Variants in RDH11 observed in about 807,000 individuals in gnomAD.
RDH11 encodes retinol dehydrogenase 11.
Under a neutral mutation model 33.4 loss-of-function variants are expected in RDH11, and 19 were observed. The ratio of observed to expected loss-of-function variants is 0.57; its 90% CI spans 0.40 to 0.83. The LOEUF (loss-of-function observed/expected upper bound fraction) is 0.83, where lower values mean the gene tolerates loss of function less well. RDH11 is among the 40% of genes least tolerant of loss of function. RDH11 has a pLI of 0.00. For synonymous variants in RDH11, 154 were observed against 155.3 expected (o/e 0.99, Z 0.06); for missense variants, 353 against 389.0 (o/e 0.91, Z 0.78).
intron 2 of RDH11, 141 bp from the exon 3 acceptor site, chr14:67,692,734 G>A (rs1339046960): frequency 2.0e-6 from 2 of 1,018,382 alleles, no homozygotes; most frequent in Non-Finnish European, 2.9e-6. Flanking sequence ...TTAGCAAATA[G>A]GTAAAGAAAA....
intron 6 of RDH11, among the ~76,000 whole-genome samples, chr14:67,683,866 TC>T (rs1209935093): frequency 2.6e-5 from 4 of 152,240 alleles, no homozygotes; most frequent in Non-Finnish European, 5.9e-5. Context: ...AAAGTCCCTT[TC>T]AACTGCTTTG....
intron 6 of RDH11, among the ~76,000 whole-genome samples, chr14:67,679,674 G>A (rs1197678934): frequency 1.3e-5 from 2 of 152,122 alleles, no homozygotes; most frequent in Admixed American, 6.5e-5. Flanking sequence ...AAAGTGCTGG[G>A]ATTACAGGCA....
At chr14:67,684,961 A>G in intron 6 of RDH11, 54 bp downstream of exon 6, 1 of 1,487,978 alleles carries the variant, frequency 6.7e-7, no homozygotes, top group Middle Eastern at 1.8e-4. Flanking sequence ...GACAAACCCA[A>G]ATTATCTCCT....
chr14:67,692,365 C>T, intron 3 of RDH11, 73 bp downstream of exon 3: 4 of 1,522,348 alleles, frequency 2.6e-6, no homozygotes, highest in Non-Finnish European at 3.6e-6. Context: ...GGAAGAGGGA[C>T]CTTTTCCTTT....
rs778405892 is a variant in RDH11 at position 67,676,807 on chromosome 14, T to C, written c.*1514A>G. The C allele has an allele frequency of 1.3e-5, 2 of 152,242 alleles. No individual in the cohort carries two copies. The highest frequency in any genetic ancestry group is 2.9e-5 in the Non-Finnish European group (2 of 68,050). The allele number at this position is 152,242 out of a possible 1,614,324, so 9.4% of individuals were successfully genotyped here. On this transcript the variant is annotated 3_prime_UTR_variant, in exon 7 of 7. Coordinates refer to ENST00000381346, the MANE Select transcript of RDH11 (RefSeq NM_016026.4). ...ATGAACAGTGTTTTCTTCTTTTGAC[T>C]GTAATCAAACTTTTAATTCTTAGTT...
chr14:67,693,197 A>G, intron 1 of RDH11, 145 bp from the exon 2 acceptor site: 1 of 536,694 alleles, frequency 1.9e-6, no homozygotes, highest in South Asian at 3.1e-5. Context: ...CCATTTAAGG[A>G]AAGTTGGAGG....
At chr14:67,690,665 T>C in intron 4 of RDH11, 1 of 489,860 alleles carries the variant, frequency 2.0e-6, no homozygotes, top group African/African-American at 1.9e-5. Flanking sequence ...TCCCAGCTCA[T>C]TCCTACTTTG....
intron 5 of RDH11, among the ~76,000 whole-genome samples, chr14:67,687,467 C>CCTTTTTTTTTTTT (rs2037693364): frequency 1.3e-5 from 1 of 79,696 alleles, no homozygotes. Flanking sequence ...CTCCATATTC[C>CCTTTTTTTTTTTT]TTTTTTTTTT....
chr14:67,695,533 C>A (rs556981333), intron 1 of RDH11, 97 bp downstream of exon 1: 2 of 1,255,578 alleles, frequency 1.6e-6, no homozygotes, highest in African/African-American at 1.5e-5. Context: ...GGAGCCCCCC[C>A]AGGGGAGTTT....
At chr14:67,682,342 A>G (rs2037625694) in intron 6 of RDH11, among the ~76,000 whole-genome samples, 1 of 152,228 alleles carries the variant, frequency 6.6e-6, no homozygotes, top group Admixed American at 6.5e-5. Flanking sequence ...GAATGAGAGA[A>G]TATTTGCAAA....
chr14:67,685,623 C>A (rs1452513550), intron 5 of RDH11, among the ~76,000 whole-genome samples: 1 of 151,962 alleles, frequency 6.6e-6, no homozygotes, highest in African/African-American at 2.4e-5. Flanking sequence ...ACACCCACCC[C>A]ATCCCCTTCA....
chr14:67,692,815 G>C, intron 2 of RDH11, 119 bp downstream of exon 2: 1 of 896,102 alleles, frequency 1.1e-6, no homozygotes, highest in Non-Finnish European at 1.8e-6. Flanking sequence ...CAGCAAATCA[G>C]TGGAATCCTT....
At position 67,678,339 on chromosome 14, in the gene RDH11, C is replaced by T. The variant is rs180944341; in HGVS notation, c.939G>A (p.Leu313=). The part of the protein sequence containing the change: ...RRLWDVSCDL[L]GLPID ...CTGCCTGTTAGTCTATTGGGAGGCC[C>T]AGCAGGTCACAACTGACGTCCCACA... Residue 313 remains leucine, a synonymous_variant, in exon 7 of 7, where the codon CTG becomes CTA. Transcript: ENST00000381346. 1.0e-4 allele frequency: 168 copies of T among 1,613,190 alleles called. 1 individual carries two copies. Among genetic ancestry groups the T allele is most frequent in the Non-Finnish European group, 1.7e-6 (2 of 1,179,152 alleles).
chr14:67,692,713 G>C (rs941400581), intron 2 of RDH11, 120 bp from the exon 3 acceptor site: 9 of 1,210,962 alleles, frequency 7.4e-6, no homozygotes, highest in East Asian at 2.4e-5. Flanking sequence ...CTTCACAACA[G>C]AGGTATCTGA....
At chr14:67,690,655 T>C in intron 4 of RDH11, 1 of 506,536 alleles carries the variant, frequency 2.0e-6, no homozygotes, top group Non-Finnish European at 3.6e-6. Context: ...GAATATGAAG[T>C]CCCAGCTCAT....
chr14:67,682,849 T>C (rs971101200), intron 6 of RDH11, among the ~76,000 whole-genome samples: 4 of 152,228 alleles, frequency 2.6e-5, no homozygotes, highest in African/African-American at 7.2e-5. Context: ...ACCTGATGAA[T>C]GAATAAATAA....
chr14:67,681,726 G>A (rs2037618609), intron 6 of RDH11, among the ~76,000 whole-genome samples: 1 of 152,032 alleles, frequency 6.6e-6, no homozygotes, highest in Admixed American at 6.5e-5. Context: ...AGGTTGCAGT[G>A]AGCAGCCTGG....
At chr14:67,683,804 C>T (rs2037644075) in intron 6 of RDH11, among the ~76,000 whole-genome samples, 1 of 152,096 alleles carries the variant, frequency 6.6e-6, no homozygotes, top group African/African-American at 2.4e-5. Context: ...CCTAGGGGTC[C>T]CTCCTCTCCC....
chr14:67,684,936 A>G (rs561638841), intron 6 of RDH11, 79 bp downstream of exon 6: 489 of 1,185,808 alleles, frequency 4.1e-4, no homozygotes, highest in Non-Finnish European at 7.6e-5. Context: ...GTACTTTTAA[A>G]AAAGGGTATA....
Sources: allele counts gnomAD v4.1 joint callset (sites outside exome capture counted in the v4.1 genomes callset), GRCh38; gene constraint gnomAD v4.1.1; transcripts MANE v1.5; gene names NCBI Gene and HGNC (gene_info 2026-07-23, HGNC 2026-07-21).